The following ZC3H12D variants were observed in gnomAD, a reference collection of about 807,000 sequenced individuals.
ZC3H12D encodes probable ribonuclease ZC3H12D.
ZC3H12D carries 11 observed loss-of-function variants against 24.2 expected under a neutral mutation model. That is an observed-to-expected ratio of 0.46 (90% confidence interval 0.29 to 0.75). The LOEUF is 0.75. Among genes scored for constraint, ZC3H12D ranks in the 30% least tolerant of loss-of-function variants. The pLI is 0.11. For synonymous variants in ZC3H12D, 333 were observed against 341.8 expected, an observed-to-expected ratio of 0.97 and a Z score of 0.28; for missense variants, 740 against 767.7, an observed-to-expected ratio of 0.96 and a Z score of 0.43.
At chr6:149,462,803 G>C (rs1358510992) in intron 2 of ZC3H12D, among the ~76,000 whole-genome samples, 2 of 152,214 alleles carry the variant, frequency 1.3e-5, no homozygotes, top group Admixed American at 6.5e-5. Flanking sequence ...CAGACTCCAA[G>C]TTCTTCAGCT....
Position 149,467,211 on chromosome 6 carries a change from C to T in ZC3H12D, c.306-5241G>A, listed in dbSNP as rs146340231. 1.7e-3 allele frequency among the ~76,000 whole-genome samples: 259 copies of T among 152,270 alleles called. 1 individual carries two copies. Among genetic ancestry groups the T allele is most frequent in the African/African-American group, 5.1e-3 (213 of 41,562 alleles). ...CCTGAATATCTACTACAAGGCTCTGCACTGCATGCTAAGAAAAGACATCAC... is the reference window on the plus strand; with the variant it reads ...CCTGAATATCTACTACAAGGCTCTGTACTGCATGCTAAGAAAAGACATCAC... On this transcript the variant is annotated intron_variant, in intron 2 of 5. Transcript: ENST00000409806.
At chr6:149,469,344 G>A (rs1259537396) in intron 2 of ZC3H12D, among the ~76,000 whole-genome samples, 1 of 152,144 alleles carries the variant, frequency 6.6e-6, no homozygotes, top group East Asian at 1.9e-4. Context: ...TGTAGTCCCA[G>A]CTACTTGGGA....
Position 149,457,780 on chromosome 6 carries a change from GA to G in ZC3H12D, c.446-881del, listed in dbSNP as rs887450757. Reference sequence around the variant, plus strand: ...GGATTTTGCCTTTGGAGACATGCAGGAAAAAAAAAATCCGTTTGACACATAA... The same window carrying G: ...GGATTTTGCCTTTGGAGACATGCAGGAAAAAAAAATCCGTTTGACACATAA... On this transcript the variant is annotated intron_variant, in intron 3 of 5. Coordinates refer to ENST00000409806, the MANE Select transcript of ZC3H12D (RefSeq NM_207360.3). Among the ~76,000 whole-genome samples the G allele has an allele frequency of 1.0e-4, 15 of 150,264 alleles. No homozygotes were observed. In the South Asian group the frequency reaches 1.1e-3, roughly 11 times the overall value.
At position 149,469,947 on chromosome 6, in the gene ZC3H12D, G is replaced by T. The variant is rs184143403; in HGVS notation, c.305+4292C>A. Reference sequence around the variant, plus strand: ...GAGAGCAGAAGGAATGGTAATGTCTGGGGGGAACATGGGGCATTGGAGAGA... The same window carrying T: ...GAGAGCAGAAGGAATGGTAATGTCTTGGGGGAACATGGGGCATTGGAGAGA... On this transcript the variant is annotated intron_variant, in intron 2 of 5. Transcript: ENST00000409806. Among the ~76,000 whole-genome samples the T allele has an allele frequency of 1.2e-4, 18 of 152,280 alleles. No homozygotes were observed. In the South Asian group the frequency reaches 2.3e-3, roughly 19 times the overall value.
intron 1 of ZC3H12D, among the ~76,000 whole-genome samples, chr6:149,477,367 G>A (rs1776358272): frequency 6.6e-6 from 1 of 152,232 alleles, no homozygotes; most frequent in Admixed American, 6.5e-5. Flanking sequence ...GGCACCACGT[G>A]AAACAATGAA....
At chr6:149,475,800 C>T (rs1776330698) in intron 1 of ZC3H12D, among the ~76,000 whole-genome samples, 1 of 151,652 alleles carries the variant, frequency 6.6e-6, no homozygotes, top group Non-Finnish European at 1.5e-5. Context: ...TGGGGGGTGG[C>T]CTGGGAAGGG....
chr6:149,461,350 A>AG (rs1776069417), intron 3 of ZC3H12D, among the ~76,000 whole-genome samples: 1 of 128,994 alleles, frequency 7.8e-6, no homozygotes, highest in Non-Finnish European at 1.6e-5. Flanking sequence ...AAAAAAAAAA[A>AG]AAAAGAAGAA....
Position 149,449,925 on chromosome 6 carries a change from C to CTGCGTGTGTGTATGTGTGTG in ZC3H12D, c.*757_*758insCACACACATACACACACGCA, listed in dbSNP as rs61206923. ...TGTGAGTATGTACATGTATGATAGA[C>CTGCGTGTGTGTATGTGTGTG]TGTGTGTGTGTGTGTGTGTGTGTGT... On this transcript the variant is annotated 3_prime_UTR_variant, in exon 6 of 6. Transcript: ENST00000409806. The CTGCGTGTGTGTATGTGTGTG allele has an allele frequency of 6.9e-6, 1 of 143,990 alleles. No individual in the cohort carries two copies. The highest frequency in any genetic ancestry group is 2.2e-4 in the South Asian group (1 of 4,476). The allele number at this position is 143,990 out of a possible 1,614,324, so 8.9% of individuals were successfully genotyped here. A position where few individuals can be genotyped will look rare whatever the true frequency, so the allele number is the denominator to read the frequency against.
intron 2 of ZC3H12D, 122 bp from the exon 3 acceptor site, chr6:149,462,092 G>T: frequency 8.1e-7 from 1 of 1,241,010 alleles, no homozygotes; most frequent in Admixed American, 2.6e-5. Context: ...CTATGTTTTA[G>T]GCCAGGAGTG....
chr6:149,452,413 C>A lies in ZC3H12D; in HGVS notation c.787+203G>T. 1 of 484,316 alleles carries A rather than the reference C, an allele frequency of 2.1e-6. No homozygotes were observed. The highest frequency in any genetic ancestry group is 3.6e-6 in the Non-Finnish European group (1 of 279,466). The allele number at this position is 484,316 out of a possible 1,614,324, so 30.0% of individuals were successfully genotyped here. On this transcript the variant is annotated intron_variant, in intron 5 of 5. Coordinates refer to ENST00000409806, the MANE Select transcript of ZC3H12D (RefSeq NM_207360.3). The surrounding 1 kb of genome is among the most constrained non-coding windows in gnomAD (Gnocchi z 4.0). ...ATCCGACCCTGGCATGGGATCCTGGCTCCCATGAAATCACCGGCCAGGATG... is the reference window on the plus strand; with the variant it reads ...ATCCGACCCTGGCATGGGATCCTGGATCCCATGAAATCACCGGCCAGGATG...
At chr6:149,458,057 T>C (rs1776012100) in intron 3 of ZC3H12D, among the ~76,000 whole-genome samples, 1 of 151,852 alleles carries the variant, frequency 6.6e-6, no homozygotes, top group Non-Finnish European at 1.5e-5. Context: ...ATGATTTCCT[T>C]GCTTTTATTT....
intron 3 of ZC3H12D, among the ~76,000 whole-genome samples, chr6:149,460,842 A>AAG (rs61570458): frequency 7.0e-6 from 1 of 142,984 alleles, no homozygotes; most frequent in African/African-American, 2.6e-5. Context: ...AAAAAAAAAA[A>AAG]GAAAGAAAGA....
At chr6:149,465,761 A>AG (rs1309823451) in intron 2 of ZC3H12D, among the ~76,000 whole-genome samples, 1 of 119,334 alleles carries the variant, frequency 8.4e-6, no homozygotes, top group African/African-American at 4.3e-5. Flanking sequence ...TCTCAAAAAA[A>AG]AAAAAGGGGG....
At chr6:149,464,745 G>A (rs1254081500) in intron 2 of ZC3H12D, among the ~76,000 whole-genome samples, 1 of 152,202 alleles carries the variant, frequency 6.6e-6, no homozygotes, top group Non-Finnish European at 1.5e-5. Context: ...GAAGCAGCTA[G>A]AGGAGAAGCT....
At chr6:149,468,219 G>A (rs1345530913) in intron 2 of ZC3H12D, among the ~76,000 whole-genome samples, 1 of 152,148 alleles carries the variant, frequency 6.6e-6, no homozygotes, top group Non-Finnish European at 1.5e-5. Flanking sequence ...GACCTCAGGT[G>A]ATTCGCCTGC....
At position 149,475,927 on chromosome 6, in the gene ZC3H12D, A is replaced by T. The variant is rs181876959; in HGVS notation, c.-70-1314T>A. On this transcript the variant is annotated intron_variant, in intron 1 of 5. Coordinates refer to ENST00000409806, the MANE Select transcript of ZC3H12D (RefSeq NM_207360.3). ...CAAAGACCGATATATTTCAAAAAAA[A>T]TTTTTTTAAATACAGAAATAATCAT... Among the ~76,000 whole-genome samples, 288 of 152,254 alleles carry T rather than the reference A, an allele frequency of 1.9e-3. 1 individual carries two copies. Among genetic ancestry groups the T allele is most frequent in the African/African-American group, 5.5e-3 (227 of 41,544 alleles).
In ZC3H12D at chr6:149,478,383, C is replaced by T. The variant is rs549306821; in HGVS notation, c.-70-3770G>A. ...TGCAGAAATGTTAATTAGTGCCAGGCTTCTTACTAATTTTTTTTTTGTTTT... is the reference window on the plus strand; with the variant it reads ...TGCAGAAATGTTAATTAGTGCCAGGTTTCTTACTAATTTTTTTTTTGTTTT... On this transcript the variant is annotated intron_variant, in intron 1 of 5. Transcript: ENST00000409806. Among the ~76,000 whole-genome samples the T allele has an allele frequency of 3.4e-5, 5 of 148,958 alleles. No homozygotes were observed. The South Asian group carries it at 1.1e-3, about 32-fold the overall frequency.
chr6:149,462,685 C>G (rs1051611251), intron 2 of ZC3H12D, among the ~76,000 whole-genome samples: 14 of 152,194 alleles, frequency 9.2e-5, no homozygotes, highest in Non-Finnish European at 1.6e-4. Flanking sequence ...TAATCAACTG[C>G]CAGCATGGCT....
intron 4 of ZC3H12D, among the ~76,000 whole-genome samples, chr6:149,453,272 C>T (rs944972841): frequency 1.3e-5 from 2 of 149,612 alleles, no homozygotes; most frequent in African/African-American, 5.0e-5. Context: ...TGCACTCCAG[C>T]CCCGGTAACA....
Sources: gnomAD v4.1 joint callset for allele counts (sites outside exome capture counted in the v4.1 genomes callset) on GRCh38, gnomAD v4.1.1 for gene constraint, Gnocchi (gnomAD v3.1) non-coding constraint, MANE v1.5 for transcripts, NCBI Gene and HGNC (gene_info 2026-07-23, HGNC 2026-07-21) for gene names.